Variants in LRP1B observed in about 807,000 individuals in gnomAD.
LRP1B encodes the protein LDL receptor related protein 1B.
A neutral mutation model predicts 556.6 loss-of-function variants in LRP1B; 217 were observed. The observed-to-expected ratio is 0.39, with a 90% CI of 0.35 to 0.44. The LOEUF (loss-of-function observed/expected upper bound fraction) is 0.44. Ranked by LOEUF, LRP1B falls within the 20% of genes least tolerant of loss-of-function variation. The pLI, the probability that LRP1B is intolerant of heterozygous loss-of-function variation, is 1.00. For synonymous variants in LRP1B, 2,047 were observed against 1,865.8 expected, an observed-to-expected ratio of 1.10 and a Z score of -2.50; for missense variants, 5,053 against 5,620.8, an observed-to-expected ratio of 0.90 and a Z score of 3.23.
intron 55 of LRP1B, among the ~76,000 whole-genome samples, chr2:140,497,784 TAGA>T (rs1402384312): frequency 5.9e-5 from 9 of 151,882 alleles, no homozygotes; most frequent in African/African-American, 2.2e-4. Flanking sequence ...GTCAGGTTTA[TAGA>T]AGAAGTACTA....
At chr2:141,459,240 C>A (rs911344164) in intron 3 of LRP1B, among the ~76,000 whole-genome samples, 9 of 152,116 alleles carry the variant, frequency 5.9e-5, no homozygotes, top group Non-Finnish European at 8.8e-5. Context: ...CAAACACACA[C>A]ACGTGTATGT....
In LRP1B at chr2:141,156,480, TAGAC is replaced by T. The variant is rs562956640; in HGVS notation, c.1013+31937_1013+31940del. 7.9e-5 allele frequency among the ~76,000 whole-genome samples: 12 copies of T among 151,944 alleles called. No homozygotes were observed. The East Asian group carries it at 2.3e-3, about 29-fold the overall frequency. On this transcript the variant is annotated intron_variant, in intron 7 of 90. Transcript: ENST00000389484. ...CATCTCTACAAAAAATTCAAAAACT[TAGAC>T]AGGCATGGTGGTGGGTGCCTGTAAT...
intron 25 of LRP1B, among the ~76,000 whole-genome samples, chr2:140,876,498 T>C (rs1693309617): frequency 6.6e-6 from 1 of 152,184 alleles, no homozygotes; most frequent in African/African-American, 2.4e-5. Context: ...TGGTGTGCTT[T>C]CCTCTAAGGA....
At chr2:140,488,926 AAAT>A (rs1449062442) in intron 57 of LRP1B, among the ~76,000 whole-genome samples, 15 of 151,976 alleles carry the variant, frequency 9.9e-5, no homozygotes, top group African/African-American at 3.4e-4. Context: ...AGAGGAAAGT[AAAT>A]CTCAGGTCTG....
At chr2:140,520,921 C>A (rs1441089011) in intron 49 of LRP1B, among the ~76,000 whole-genome samples, 3 of 150,284 alleles carry the variant, frequency 2.0e-5, no homozygotes, top group Non-Finnish European at 4.4e-5. Flanking sequence ...AATTGAAAGC[C>A]TTAACAATAG....
At chr2:141,499,324 C>G (rs1160041501) in intron 2 of LRP1B, among the ~76,000 whole-genome samples, 1 of 152,042 alleles carries the variant, frequency 6.6e-6, no homozygotes, top group Non-Finnish European at 1.5e-5. Flanking sequence ...AGGGTCCACA[C>G]AGTTATTCAC....
intron 23 of LRP1B, among the ~76,000 whole-genome samples, chr2:140,892,812 G>A (rs1052445589): frequency 4.6e-5 from 7 of 152,086 alleles, no homozygotes; most frequent in Admixed American, 6.6e-5. Flanking sequence ...CATGCTCTAC[G>A]ACACTATCTA....
At chr2:141,212,578 C>T (rs1029348488) in intron 6 of LRP1B, among the ~76,000 whole-genome samples, 11 of 151,332 alleles carry the variant, frequency 7.3e-5, no homozygotes, top group South Asian at 2.1e-4. Context: ...GCGACCATGC[C>T]GGCCAAAAAG....
chr2:140,821,495 T>C (rs1691327507), intron 31 of LRP1B, among the ~76,000 whole-genome samples: 2 of 152,140 alleles, frequency 1.3e-5, no homozygotes, highest in South Asian at 4.1e-4. Flanking sequence ...ATAACAGAAA[T>C]GCATAATATT....
chr2:141,893,295 G>A (rs942044748), intron 1 of LRP1B, among the ~76,000 whole-genome samples: 8 of 152,104 alleles, frequency 5.3e-5, no homozygotes, highest in African/African-American at 1.9e-4. Flanking sequence ...CCACCTCCCG[G>A]ATTCAGGTGA....
rs138710668 is a variant in LRP1B, at chr2:141,119,716, TTG to T, written c.1014-57445_1014-57444del. On this transcript the variant is annotated intron_variant, in intron 7 of 90. Coordinates refer to ENST00000389484, the MANE Select transcript of LRP1B (RefSeq NM_018557.3). ...ATCCTTCGATGTTAAACCCAAGAGG[TTG>T]TGTGTGTGTGTGTGTGTGTCTGTGT... 3.9e-3 allele frequency among the ~76,000 whole-genome samples: 583 copies of T among 149,376 alleles called. 4 individuals carry two copies. The highest frequency in any genetic ancestry group is 0.013 in the African/African-American group (537 of 40,908).
intron 28 of LRP1B, 30 bp downstream of exon 28, chr2:140,851,622 T>G: frequency 5.0e-6 from 8 of 1,592,340 alleles, no homozygotes; most frequent in Non-Finnish European, 6.8e-6. Flanking sequence ...ATTTTGTTTT[T>G]ATTTTCGATT....
chr2:140,799,876 G>T (rs1168442411), intron 32 of LRP1B, among the ~76,000 whole-genome samples: 2 of 152,100 alleles, frequency 1.3e-5, no homozygotes, highest in Non-Finnish European at 2.9e-5. Context: ...GAGGTACCAG[G>T]TTCATCTCAC....
intron 2 of LRP1B, among the ~76,000 whole-genome samples, chr2:141,543,770 C>T (rs1442171026): frequency 6.6e-6 from 1 of 151,566 alleles, no homozygotes; most frequent in East Asian, 1.9e-4. Context: ...TAAACAAAAA[C>T]TTATTGAACA....
intron 62 of LRP1B, 30 bp from the exon 63 acceptor site, chr2:140,450,691 T>A (rs2105314226): frequency 1.3e-6 from 2 of 1,496,352 alleles, no homozygotes; most frequent in South Asian, 2.3e-5. Context: ...AAAAAAAATG[T>A]TGAAGAACCC....
chr2:140,418,931 T>C (rs1043788176), intron 66 of LRP1B, among the ~76,000 whole-genome samples: 1 of 151,952 alleles, frequency 6.6e-6, no homozygotes, highest in Non-Finnish European at 1.5e-5. Context: ...GGAACCACCA[T>C]TCTTAGTAAC....
At chr2:141,182,105 A>G (rs922405189) in intron 7 of LRP1B, among the ~76,000 whole-genome samples, 1 of 152,008 alleles carries the variant, frequency 6.6e-6, no homozygotes, top group Non-Finnish European at 1.5e-5. Flanking sequence ...ATAGGCAGAT[A>G]GCTGCTGCAT....
At chr2:141,631,582 A>G (rs893629050) in intron 2 of LRP1B, among the ~76,000 whole-genome samples, 2 of 150,736 alleles carry the variant, frequency 1.3e-5, no homozygotes, top group African/African-American at 4.9e-5. Context: ...GCAATCAATC[A>G]GAAGGGGCCT....
chr2:140,261,399 T>G (rs1681930355), intron 86 of LRP1B, among the ~76,000 whole-genome samples: 1 of 151,928 alleles, frequency 6.6e-6, no homozygotes, highest in Non-Finnish European at 1.5e-5. Flanking sequence ...ACAGTGAGCT[T>G]GAATCTATAA....
Sources: allele counts gnomAD v4.1 joint callset (sites outside exome capture counted in the v4.1 genomes callset), GRCh38; gene constraint gnomAD v4.1.1; transcripts MANE v1.5; gene names NCBI Gene and HGNC (gene_info 2026-07-23, HGNC 2026-07-21).